The following PBX1 variants were observed in gnomAD, a reference collection of about 807,000 sequenced individuals.
PBX1 encodes the protein PBX homeobox 1.
In PBX1, 6 loss-of-function variants were observed where a neutral mutation model predicts 53.4. That is an observed-to-expected ratio of 0.11 (90% CI 0.06 to 0.22). The LOEUF is 0.22. Ranked by LOEUF, PBX1 falls within the 10% of genes least tolerant of loss-of-function variation. The pLI is 1.00. For synonymous variants in PBX1, 204 were observed against 212.3 expected (o/e 0.96, Z 0.34); for missense variants, 251 against 551.4 (o/e 0.46, Z 5.46).
At chr1:164,596,875 A>G (rs1571299808) in intron 2 of PBX1, among the ~76,000 whole-genome samples, 1 of 152,284 alleles carries the variant, frequency 6.6e-6, no homozygotes. Context: ...CTAAATTAAA[A>G]AAAAAAAAAG....
At chr1:164,788,423 G>A (rs1457484236) in intron 2 of PBX1, among the ~76,000 whole-genome samples, 3 of 147,792 alleles carry the variant, frequency 2.0e-5, no homozygotes, top group Admixed American at 1.3e-4. Context: ...TGAACAGTTT[G>A]TGTATCAGTG....
intron 2 of PBX1, among the ~76,000 whole-genome samples, chr1:164,621,278 C>G (rs181392412): frequency 8.7e-4 from 133 of 152,348 alleles, no homozygotes; most frequent in African/African-American, 3.2e-3. Context: ...TGAGCCACCG[C>G]GCCCTTCCTC....
intron 2 of PBX1, among the ~76,000 whole-genome samples, chr1:164,721,773 G>A (rs1016340220): frequency 4.6e-5 from 7 of 152,074 alleles, no homozygotes; most frequent in African/African-American, 1.7e-4. Context: ...GGGGAATCAC[G>A]CTTAAGGATT....
intron 3 of PBX1, among the ~76,000 whole-genome samples, chr1:164,798,411 T>C (rs778222872): frequency 3.3e-4 from 51 of 152,326 alleles, no homozygotes; most frequent in Middle Eastern, 3.4e-3. Context: ...TTGCTTTGAG[T>C]GAATCTGTGA....
chr1:164,798,451 G>A (rs1668896765), intron 3 of PBX1, among the ~76,000 whole-genome samples: 1 of 152,216 alleles, frequency 6.6e-6, no homozygotes, highest in Non-Finnish European at 1.5e-5. Flanking sequence ...CTCAGCTAAG[G>A]AAACCAGATT....
Position 164,563,219 on chromosome 1 carries a change from T to C in PBX1, c.192-19T>C. The C allele has an allele frequency of 6.3e-7, 1 of 1,584,666 alleles. No homozygotes were observed. The highest frequency in any genetic ancestry group is 2.2e-5 in the East Asian group (1 of 44,564). Reference sequence around the variant, plus strand: ...TCTTGAGAGTCCACCTAAGCTATCATGTTGTTTCTTTCTTGCAGAAAACAT... The same window carrying C: ...TCTTGAGAGTCCACCTAAGCTATCACGTTGTTTCTTTCTTGCAGAAAACAT... On this transcript the variant is annotated intron_variant, in intron 1 of 8. Transcript: ENST00000420696.
intron 2 of PBX1, among the ~76,000 whole-genome samples, chr1:164,859,345 G>A (rs774852192): frequency 8.5e-5 from 13 of 152,186 alleles, no homozygotes; most frequent in Non-Finnish European, 1.8e-4. Context: ...GGGAGCTCAA[G>A]CAGGGCCCTC....
At chr1:164,840,153 A>G (rs1235509242) in intron 8 of PBX1, among the ~76,000 whole-genome samples, 3 of 152,204 alleles carry the variant, frequency 2.0e-5, no homozygotes, top group African/African-American at 7.2e-5. Context: ...GATGGTCTCA[A>G]CCACAAGAAA....
intron 2 of PBX1, among the ~76,000 whole-genome samples, chr1:164,658,543 T>G (rs1005575742): frequency 2.0e-5 from 3 of 152,210 alleles, no homozygotes; most frequent in African/African-American, 7.2e-5. Context: ...GGATTGCAGC[T>G]TGATATCCCC....
intron 2 of PBX1, among the ~76,000 whole-genome samples, chr1:164,730,461 C>T (rs930538221): frequency 1.3e-5 from 2 of 152,178 alleles, no homozygotes; most frequent in Non-Finnish European, 2.9e-5. Flanking sequence ...TTCTCATCCT[C>T]GGCCTTATGA....
chr1:164,634,713 G>T (rs1420164750), intron 2 of PBX1, among the ~76,000 whole-genome samples: 1 of 152,180 alleles, frequency 6.6e-6, no homozygotes, highest in African/African-American at 2.4e-5. Context: ...GCATAATTGG[G>T]CAAGGTCAGG....
intron 2 of PBX1, among the ~76,000 whole-genome samples, chr1:164,564,900 T>G (rs1429237071): frequency 6.6e-6 from 1 of 152,104 alleles, no homozygotes; most frequent in Non-Finnish European, 1.5e-5. Flanking sequence ...AGTGTTTGGT[T>G]TGTTGAGATT....
chr1:164,719,877 C>G (rs1214320906), intron 2 of PBX1, among the ~76,000 whole-genome samples: 1 of 152,142 alleles, frequency 6.6e-6, no homozygotes, highest in African/African-American at 2.4e-5. Flanking sequence ...GTGGACATGG[C>G]AAGCCTGGGC....
intron 2 of PBX1, among the ~76,000 whole-genome samples, chr1:164,640,703 C>G (rs1290738233): frequency 6.6e-6 from 1 of 151,754 alleles, no homozygotes; most frequent in African/African-American, 2.4e-5. Flanking sequence ...ATTACAGATG[C>G]CCACCACCAT....
chr1:164,593,355 T>G (rs1036899573), intron 2 of PBX1, among the ~76,000 whole-genome samples: 1 of 152,184 alleles, frequency 6.6e-6, no homozygotes, highest in Admixed American at 6.5e-5. Flanking sequence ...AGTAGCACTT[T>G]TATTTTTCAA....
chr1:164,640,736 T>G (rs2101899690), intron 2 of PBX1, among the ~76,000 whole-genome samples: 1 of 152,126 alleles, frequency 6.6e-6, no homozygotes, highest in South Asian at 2.1e-4. Context: ...TTTTTGTATT[T>G]TAGTAGAGAC....
chr1:164,650,543 T>C (rs1659741427), intron 2 of PBX1, among the ~76,000 whole-genome samples: 1 of 152,090 alleles, frequency 6.6e-6, no homozygotes, highest in African/African-American at 2.4e-5. Flanking sequence ...CTACTTTCTA[T>C]TGGAAGAGAA....
intron 2 of PBX1, among the ~76,000 whole-genome samples, chr1:164,714,953 C>A (rs1664001933): frequency 6.6e-6 from 1 of 151,848 alleles, no homozygotes; most frequent in Non-Finnish European, 1.5e-5. Context: ...AAAATAAATC[C>A]CTTAACTGTC....
chr1:164,788,409 G>A (rs1668310187), intron 2 of PBX1, among the ~76,000 whole-genome samples: 1 of 146,594 alleles, frequency 6.8e-6, no homozygotes, highest in Non-Finnish European at 1.5e-5. Flanking sequence ...TTTAACCGCC[G>A]AGCTGAACAG....
Sources: allele counts gnomAD v4.1 joint callset (sites outside exome capture counted in the v4.1 genomes callset), GRCh38; gene constraint gnomAD v4.1.1; transcripts MANE v1.5; gene names NCBI Gene and HGNC (gene_info 2026-07-23, HGNC 2026-07-21).